Variants in JARID2 observed in about 807,000 individuals in gnomAD.
JARID2 encodes the protein protein Jumonji.
In JARID2, 21 loss-of-function variants were observed where a neutral mutation model predicts 125.6. That is an observed-to-expected ratio of 0.17 (90% CI 0.12 to 0.24). The LOEUF (loss-of-function observed/expected upper bound fraction) is 0.24, where lower values mean the gene tolerates loss of function less well. JARID2 is among the 10% of genes least tolerant of loss of function. The pLI is 1.00. For synonymous variants in JARID2, 736 were observed against 661.6 expected (o/e 1.11, Z -1.73); for missense variants, 1,303 against 1,639.6 (o/e 0.79, Z 3.55).
chr6:15,268,493 G>T, intron 1 of JARID2, among the ~76,000 whole-genome samples: 1 of 152,172 alleles, frequency 6.6e-6, no homozygotes. Flanking sequence ...GAACAGCTAA[G>T]AAGTGGTTCT....
chr6:15,248,143 G>T lies in JARID2; in HGVS notation c.45+1559G>T, dbSNP rs1240016501. 4 of 932,164 alleles carry T rather than the reference G, an allele frequency of 4.3e-6. No individual in the cohort carries two copies. In the South Asian group the frequency reaches 2.0e-4, roughly 46 times the overall value. The allele number at this position is 932,164 out of a possible 1,614,324, so 57.7% of individuals were successfully genotyped here. A position where few individuals can be genotyped will look rare whatever the true frequency, so the allele number is the denominator to read the frequency against. On this transcript the variant is annotated intron_variant, in intron 1 of 17. Coordinates refer to ENST00000341776, the MANE Select transcript of JARID2 (RefSeq NM_004973.4). The stretch of plus-strand genomic sequence containing the variant: ...CGGCTGCAAGCCCGTGGCTGGCGGC[G>T]GCTGCGGGAGGCACGGCACGAGTTA...
intron 1 of JARID2, among the ~76,000 whole-genome samples, chr6:15,248,358 G>A (rs1163921360): frequency 1.4e-5 from 2 of 144,280 alleles, no homozygotes; most frequent in Non-Finnish European, 3.1e-5. Context: ...CGGCTTGCAG[G>A]CGGGCAGGAG....
rs1259535947 is a variant in JARID2 at position 15,444,612 on chromosome 6, A to AT, written c.324-7394_324-7393insT. On this transcript the variant is annotated intron_variant, in intron 3 of 17. Transcript: ENST00000341776. ...TTATTTTGGGGATGGAAACACAGGA[A>AT]ATTTTTTTTTTTTTTGAATAGGCCT... 1.3e-4 allele frequency among the ~76,000 whole-genome samples: 19 copies of AT among 149,850 alleles called. 1 individual carries two copies. The highest frequency in any genetic ancestry group is 5.9e-5 in the Non-Finnish European group (4 of 67,284).
chr6:15,358,620 C>T (rs1370279501), intron 1 of JARID2, among the ~76,000 whole-genome samples: 1 of 152,130 alleles, frequency 6.6e-6, no homozygotes, highest in Non-Finnish European at 1.5e-5. Flanking sequence ...TCCACTGTAA[C>T]CTTTTTGCTT....
At chr6:15,371,571 C>A (rs1764173031) in intron 1 of JARID2, among the ~76,000 whole-genome samples, 1 of 152,198 alleles carries the variant, frequency 6.6e-6, no homozygotes, top group African/African-American at 2.4e-5. Context: ...AGCTTTCTTG[C>A]AAACCCAGGG....
At chr6:15,295,116 T>C (rs1301855978) in intron 1 of JARID2, among the ~76,000 whole-genome samples, 2 of 146,952 alleles carry the variant, frequency 1.4e-5, no homozygotes, top group East Asian at 4.0e-4. Flanking sequence ...TTCTTTTTTT[T>C]TTCTTTCTTT....
intron 3 of JARID2, among the ~76,000 whole-genome samples, chr6:15,427,376 G>GT (rs1197908343): frequency 1.8e-4 from 28 of 152,072 alleles, no homozygotes; most frequent in Non-Finnish European, 5.9e-5. Flanking sequence ...TTCCGCATTT[G>GT]TTTATTTTCT....
chr6:15,425,879 T>C (rs181767633), intron 3 of JARID2, among the ~76,000 whole-genome samples: 1 of 152,290 alleles, frequency 6.6e-6, no homozygotes, highest in Non-Finnish European at 1.5e-5. Context: ...TGTGTGCACT[T>C]CATTTTCCCA....
rs547825298 is a variant in JARID2, at chr6:15,442,109, T to C, written c.324-9897T>C. Among the ~76,000 whole-genome samples the C allele has an allele frequency of 3.0e-3, 443 of 150,144 alleles. 2 individuals are homozygous for C. The highest frequency in any genetic ancestry group is 5.0e-3 in the Non-Finnish European group (335 of 67,624). On this transcript the variant is annotated intron_variant, in intron 3 of 17. Transcript: ENST00000341776. ...TTCTTCTTATATTTCTCTTGCATTT[T>C]GAAAAAAAAAAAAGGAAGTAAAACA...
rs537317407 is a variant in JARID2 at position 15,439,258 on chromosome 6, G to A, written c.324-12748G>A. Among the ~76,000 whole-genome samples the A allele has an allele frequency of 3.9e-5, 6 of 152,224 alleles. No individual in the cohort carries two copies. In the East Asian group the frequency reaches 1.2e-3, roughly 29 times the overall value. ...TTTTAGCTGAAAAATCTTATCATTGGCTGCTTTCATTGTTGGAGGTTTATA... is the reference window on the plus strand; with the variant it reads ...TTTTAGCTGAAAAATCTTATCATTGACTGCTTTCATTGTTGGAGGTTTATA... On this transcript the variant is annotated intron_variant, in intron 3 of 17. Coordinates refer to ENST00000341776, the MANE Select transcript of JARID2 (RefSeq NM_004973.4).
At chr6:15,246,620 G>A (rs370599663) in intron 1 of JARID2, 36 bp downstream of exon 1, 7 of 1,556,414 alleles carry the variant, frequency 4.5e-6, no homozygotes, top group Non-Finnish European at 6.2e-6. Context: ...TTGACTTGCA[G>A]TTTTAAGCAA....
intron 1 of JARID2, among the ~76,000 whole-genome samples, chr6:15,290,083 C>T (rs1440580519): frequency 6.6e-6 from 1 of 152,144 alleles, no homozygotes; most frequent in African/African-American, 2.4e-5. Context: ...ATGTAATCAC[C>T]ACCCAATTGA....
intron 2 of JARID2, among the ~76,000 whole-genome samples, chr6:15,392,437 C>T (rs183505142): frequency 2.6e-5 from 4 of 152,126 alleles, no homozygotes; most frequent in East Asian, 1.9e-4. Flanking sequence ...ACCTTCTGTC[C>T]GACTTGCCCT....
intron 1 of JARID2, among the ~76,000 whole-genome samples, chr6:15,287,752 C>T (rs748474799): frequency 1.8e-4 from 28 of 152,264 alleles, no homozygotes; most frequent in Non-Finnish European, 3.5e-4. Context: ...GTCATTTCCT[C>T]GAGGAGACAT....
At chr6:15,481,246 G>T (rs1769599413) in intron 5 of JARID2, among the ~76,000 whole-genome samples, 2 of 152,160 alleles carry the variant, frequency 1.3e-5, no homozygotes, top group Admixed American at 1.3e-4. Context: ...CAATATATTT[G>T]TCTCTGTTCG....
At chr6:15,396,160 A>G (rs1420173794) in intron 2 of JARID2, among the ~76,000 whole-genome samples, 1 of 152,220 alleles carries the variant, frequency 6.6e-6, no homozygotes, top group Non-Finnish European at 1.5e-5. Context: ...ATCACCTTCA[A>G]ATATGTTAAG....
At chr6:15,455,845 G>T (rs1768152930) in intron 4 of JARID2, among the ~76,000 whole-genome samples, 1 of 152,216 alleles carries the variant, frequency 6.6e-6, no homozygotes, top group South Asian at 2.1e-4. Flanking sequence ...GTTCTTTAAA[G>T]AGTAACTATG....
chr6:15,277,833 A>G (rs1047950878), intron 1 of JARID2, among the ~76,000 whole-genome samples: 1 of 151,800 alleles, frequency 6.6e-6, no homozygotes, highest in Admixed American at 6.6e-5. Flanking sequence ...GGCAAGTTCA[A>G]GAGAAAGTTG....
chr6:15,440,428 CCCCTCAGGT>C (rs1387675968), intron 3 of JARID2, among the ~76,000 whole-genome samples: 1 of 152,192 alleles, frequency 6.6e-6, no homozygotes, highest in African/African-American at 2.4e-5. Context: ...TGCCTCCCAG[CCCCTCAGGT>C]CCCTCCCTTT....
Sources: gnomAD v4.1 joint callset for allele counts (sites outside exome capture counted in the v4.1 genomes callset) on GRCh38, gnomAD v4.1.1 for gene constraint, MANE v1.5 for transcripts, NCBI Gene and HGNC (gene_info 2026-07-23, HGNC 2026-07-21) for gene names.